The following FBXW10B variants were observed in gnomAD, a reference collection of about 807,000 sequenced individuals.
FBXW10B encodes F-box and WD repeat domain containing 10B.
At chr17:15,612,746 C>T in the FBXW10B span, 6 of 1,614,114 alleles carry the variant, frequency 3.7e-6, no homozygotes, top group Non-Finnish European at 5.1e-6. Flanking sequence ...GCATGCTCTT[C>T]CCGTCATCTA....
At chr17:15,574,252 T>G in the FBXW10B span, 1 of 622,950 alleles carries the variant, frequency 1.6e-6, no homozygotes, top group Non-Finnish European at 2.9e-6. Context: ...CACTTATAGT[T>G]TAAAAAAAAT....
At chr17:15,581,331 T>G in the FBXW10B span, among the ~76,000 whole-genome samples, 1 of 152,218 alleles carries the variant, frequency 6.6e-6, no homozygotes, top group African/African-American at 2.4e-5. Context: ...ACAGATGGAA[T>G]AGTAGAGCTC....
the FBXW10B span, among the ~76,000 whole-genome samples, chr17:15,603,414 G>A: frequency 6.6e-6 from 1 of 151,994 alleles, no homozygotes; most frequent in East Asian, 2.0e-4. Flanking sequence ...TATACACATT[G>A]TATTGGTTCT....
chr17:15,602,907 G>A, the FBXW10B span, among the ~76,000 whole-genome samples: 2 of 121,304 alleles, frequency 1.6e-5, no homozygotes, highest in Non-Finnish European at 3.3e-5. Context: ...GATTACAGGC[G>A]TGAGCCACCG....
the FBXW10B span, among the ~76,000 whole-genome samples, chr17:15,569,238 T>TAG: frequency 2.6e-5 from 4 of 152,120 alleles, no homozygotes; most frequent in Admixed American, 2.6e-4. Flanking sequence ...GAGGCTATAC[T>TAG]AATTTACATG....
At chr17:15,615,987 G>T in the FBXW10B span, 34 of 795,938 alleles carry the variant, frequency 4.3e-5, no homozygotes, top group African/African-American at 5.6e-4. Context: ...ATCTCAGAAA[G>T]CTTCCTGTTA....
chr17:15,618,832 C>T, the FBXW10B span: 26 of 984,876 alleles, frequency 2.6e-5, no homozygotes, highest in Non-Finnish European at 3.0e-5. Flanking sequence ...AGTCATTTCT[C>T]CTTTGGTAAA....
At chr17:15,597,301 A>AGTAG in the FBXW10B span, among the ~76,000 whole-genome samples, 1 of 139,018 alleles carries the variant, frequency 7.2e-6, no homozygotes, top group African/African-American at 2.9e-5. Context: ...TGGGGATGAG[A>AGTAG]GTGGGTGGGT....
the FBXW10B span, among the ~76,000 whole-genome samples, chr17:15,604,889 T>TA: frequency 6.6e-6 from 1 of 152,206 alleles, no homozygotes; most frequent in African/African-American, 2.4e-5. Context: ...CTCAAACCCA[T>TA]AAAAAACCAC....
the FBXW10B span, chr17:15,589,198 G>C: frequency 1.2e-6 from 2 of 1,613,676 alleles, no homozygotes; most frequent in African/African-American, 1.3e-5. Flanking sequence ...AATTCTTTTA[G>C]CAAATGTGCT....
At chr17:15,614,153 G>C in the FBXW10B span, 3 of 1,270,946 alleles carry the variant, frequency 2.4e-6, no homozygotes, top group Middle Eastern at 2.6e-4. Flanking sequence ...CTAACCTTAG[G>C]CCACTAGATT....
At chr17:15,619,192 G>A in the FBXW10B span, 14 of 1,613,860 alleles carry the variant, frequency 8.7e-6, no homozygotes, top group Non-Finnish European at 1.2e-5. Context: ...CCAACATTTG[G>A]TTCAAGGAGG....
chr17:15,603,342 T>G, the FBXW10B span, among the ~76,000 whole-genome samples: 2 of 151,998 alleles, frequency 1.3e-5, no homozygotes, highest in African/African-American at 4.8e-5. Flanking sequence ...ACACTGCAGA[T>G]TTTGGACTTG....
the FBXW10B span, chr17:15,607,595 T>C: frequency 5.0e-6 from 8 of 1,613,712 alleles, no homozygotes; most frequent in Non-Finnish European, 4.2e-6. Flanking sequence ...AATGCGAACA[T>C]TGTAGGTCCC....
At chr17:15,603,794 TG>T in the FBXW10B span, among the ~76,000 whole-genome samples, 1 of 94,916 alleles carries the variant, frequency 1.1e-5, no homozygotes, top group Non-Finnish European at 2.1e-5. Flanking sequence ...AAACAAGGGC[TG>T]GGCGCGGTGG....
At chr17:15,570,548 T>C in the FBXW10B span, among the ~76,000 whole-genome samples, 2 of 152,236 alleles carry the variant, frequency 1.3e-5, no homozygotes, top group African/African-American at 4.8e-5. Context: ...AAGGCTGTTC[T>C]ATAGGAACTG....
the FBXW10B span, among the ~76,000 whole-genome samples, chr17:15,569,370 C>A: frequency 6.6e-6 from 1 of 151,590 alleles, no homozygotes; most frequent in Non-Finnish European, 1.5e-5. Flanking sequence ...TTTTAATTTG[C>A]ATTCCTCTGA....
the FBXW10B span, among the ~76,000 whole-genome samples, chr17:15,605,694 C>T: frequency 9.2e-5 from 14 of 152,224 alleles, no homozygotes; most frequent in Non-Finnish European, 1.8e-4. Context: ...GCTAAATCCC[C>T]AAGAGAGAGA....
the FBXW10B span, among the ~76,000 whole-genome samples, chr17:15,616,073 C>CT: frequency 6.6e-6 from 1 of 152,026 alleles, no homozygotes; most frequent in Admixed American, 6.6e-5. Flanking sequence ...AGGTCAGGAA[C>CT]TGCAACAGGG....
Sources: allele counts gnomAD v4.1 joint callset (sites outside exome capture counted in the v4.1 genomes callset), GRCh38; gene constraint gnomAD v4.1.1; transcripts MANE v1.5; gene names NCBI Gene and HGNC (gene_info 2026-07-23, HGNC 2026-07-21).